ATP2B2: variants seen among roughly 807,000 people sequenced by gnomAD.
ATP2B2 encodes plasma membrane calcium-transporting ATPase 2.
A neutral mutation model predicts 120.0 loss-of-function variants in ATP2B2; 15 were observed. The observed-to-expected ratio is 0.12, with a 90% CI of 0.08 to 0.19. The LOEUF (loss-of-function observed/expected upper bound fraction) is 0.19, where lower values mean the gene tolerates loss of function less well. ATP2B2 is among the 10% of genes least tolerant of loss of function. The probability of loss-of-function intolerance (pLI) is 1.00; values close to 1 mark genes in which losing one functional copy is unlikely to be tolerated. For synonymous variants in ATP2B2, 694 were observed against 700.3 expected (o/e 0.99, Z 0.14); for missense variants, 1,045 against 1,719.8 (o/e 0.61, Z 6.94).
chr3:10,554,145 C>T (rs1559455652), intron 2 of ATP2B2, among the ~76,000 whole-genome samples: 2 of 152,132 alleles, frequency 1.3e-5, no homozygotes, highest in African/African-American at 4.8e-5. Context: ...CCATGTATGG[C>T]GCTTGACCCT....
intron 1 of ATP2B2, among the ~76,000 whole-genome samples, chr3:10,660,049 T>C (rs36048931): frequency 0.22 from 33,532 of 152,046 alleles, 6,201 homozygotes; most frequent in African/African-American, 0.5. Flanking sequence ...TTGAAACCAA[T>C]GAGAATGAAG....
intron 2 of ATP2B2, among the ~76,000 whole-genome samples, chr3:10,446,154 T>C (rs866658546): frequency 4.6e-5 from 7 of 152,166 alleles, no homozygotes; most frequent in South Asian, 4.1e-4. Flanking sequence ...TCCAGGAACA[T>C]GTGTCATAGA....
At chr3:10,512,558 C>A (rs576670829) in intron 3 of ATP2B2, among the ~76,000 whole-genome samples, 3 of 152,094 alleles carry the variant, frequency 2.0e-5, no homozygotes, top group Admixed American at 2.0e-4. Context: ...GAGTATCACC[C>A]CCACTTTATT....
At chr3:10,351,398 G>T (rs2060574777) in intron 14 of ATP2B2, among the ~76,000 whole-genome samples, 1 of 152,238 alleles carries the variant, frequency 6.6e-6, no homozygotes. Context: ...AATAATATTT[G>T]CTGCAGAACG....
chr3:10,353,484 G>A (rs2060633096), intron 14 of ATP2B2, among the ~76,000 whole-genome samples: 1 of 152,174 alleles, frequency 6.6e-6, no homozygotes, highest in South Asian at 2.1e-4. Flanking sequence ...GGTATGAACG[G>A]GCCTGAGGGC....
intron 2 of ATP2B2, among the ~76,000 whole-genome samples, chr3:10,547,020 G>A (rs562459872): frequency 1.3e-5 from 2 of 152,312 alleles, no homozygotes; most frequent in African/African-American, 4.8e-5. Flanking sequence ...CAAAAATGTT[G>A]ACTTGCTGCA....
chr3:10,616,805 A>T (rs1174290144), intron 2 of ATP2B2, among the ~76,000 whole-genome samples: 2 of 152,220 alleles, frequency 1.3e-5, no homozygotes, highest in Admixed American at 6.5e-5. Flanking sequence ...AGAAAAGCAC[A>T]AAGAAAAAAA....
intron 1 of ATP2B2, among the ~76,000 whole-genome samples, chr3:10,488,272 T>C (rs2065785071): frequency 7.5e-6 from 1 of 133,974 alleles, no homozygotes; most frequent in Admixed American, 7.0e-5. Context: ...CATCCATCCA[T>C]CCATGCATGC....
At chr3:10,534,680 T>C (rs182425762) in intron 2 of ATP2B2, among the ~76,000 whole-genome samples, 2 of 152,262 alleles carry the variant, frequency 1.3e-5, no homozygotes, top group Admixed American at 1.3e-4. Flanking sequence ...GCAAGTGACT[T>C]AAATTTCCTG....
intron 2 of ATP2B2, among the ~76,000 whole-genome samples, chr3:10,602,257 C>T (rs527431538): frequency 6.6e-6 from 1 of 152,234 alleles, no homozygotes; most frequent in African/African-American, 2.4e-5. Context: ...CTCTTCACCC[C>T]CTTTTTTCTC....
chr3:10,584,494 G>A (rs899182278), intron 2 of ATP2B2, among the ~76,000 whole-genome samples: 1 of 152,082 alleles, frequency 6.6e-6, no homozygotes, highest in Non-Finnish European at 1.5e-5. Flanking sequence ...ACCCATGGGC[G>A]CTTCTGTACC....
intron 1 of ATP2B2, among the ~76,000 whole-genome samples, chr3:10,488,299 A>C: frequency 6.9e-6 from 1 of 145,040 alleles, no homozygotes. Flanking sequence ...CCACCCACCC[A>C]CCTATCTATT....
At chr3:10,632,381 T>A (rs1054055569) in intron 1 of ATP2B2, among the ~76,000 whole-genome samples, 2 of 152,138 alleles carry the variant, frequency 1.3e-5, no homozygotes, top group African/African-American at 4.8e-5. Context: ...ACATTTGAGT[T>A]TGCCACCCCG....
chr3:10,576,188 C>G (rs1219801797), intron 2 of ATP2B2, among the ~76,000 whole-genome samples: 1 of 152,162 alleles, frequency 6.6e-6, no homozygotes, highest in Non-Finnish European at 1.5e-5. Flanking sequence ...GCTGACTGCC[C>G]CCGTGGATGG....
chr3:10,532,499 C>T (rs59086648), intron 3 of ATP2B2, among the ~76,000 whole-genome samples: 8,463 of 152,220 alleles, frequency 0.056, 435 homozygotes, highest in African/African-American at 0.13. Flanking sequence ...AGAGGAGCGA[C>T]GTCACCGCCT....
At chr3:10,597,720 C>T (rs576248025) in intron 2 of ATP2B2, among the ~76,000 whole-genome samples, 1 of 152,302 alleles carries the variant, frequency 6.6e-6, no homozygotes, top group African/African-American at 2.4e-5. Flanking sequence ...AAGCTCTGTG[C>T]CTCAGTTTCC....
intron 1 of ATP2B2, among the ~76,000 whole-genome samples, chr3:10,646,433 C>T (rs1375334134): frequency 6.6e-6 from 1 of 152,130 alleles, no homozygotes; most frequent in African/African-American, 2.4e-5. Context: ...CTTGGGAGAC[C>T]ATTAAGACAC....
At chr3:10,631,050 A>C (rs1021436549) in intron 1 of ATP2B2, among the ~76,000 whole-genome samples, 5 of 152,220 alleles carry the variant, frequency 3.3e-5, no homozygotes, top group African/African-American at 1.2e-4. Flanking sequence ...CGAGCCACAC[A>C]ACTTGGTTTG....
intron 2 of ATP2B2, among the ~76,000 whole-genome samples, chr3:10,599,873 G>T (rs375060697): frequency 6.6e-6 from 1 of 151,846 alleles, no homozygotes; most frequent in Non-Finnish European, 1.5e-5. Context: ...GAGGAGGAAC[G>T]TAGTACGTGG....
Sources: gnomAD v4.1 joint callset for allele counts (sites outside exome capture counted in the v4.1 genomes callset) on GRCh38, gnomAD v4.1.1 for gene constraint, MANE v1.5 for transcripts, NCBI Gene and HGNC (gene_info 2026-07-23, HGNC 2026-07-21) for gene names.